PSPC1: variants seen among roughly 807,000 people sequenced by gnomAD.
PSPC1 encodes the protein paraspeckle protein 1.
PSPC1 carries 14 observed loss-of-function variants against 51.6 expected under a neutral mutation model. The ratio of observed to expected loss-of-function variants is 0.27; its 90% CI spans 0.18 to 0.42. PSPC1 has a LOEUF of 0.42. Among genes scored for constraint, PSPC1 ranks in the 10% least tolerant of loss-of-function variants. The pLI, the probability that PSPC1 is intolerant of heterozygous loss-of-function variation, is 1.00. For synonymous variants in PSPC1, 193 were observed against 231.9 expected (o/e 0.83, Z 1.53); for missense variants, 406 against 701.1 (o/e 0.58, Z 4.75).
At chr13:19,677,652 T>C (rs546016601) in intron 7 of PSPC1, 1 of 408,992 alleles carries the variant, frequency 2.4e-6, no homozygotes, top group African/African-American at 2.1e-5. Context: ...CAGGAAGAAT[T>C]GACTAGAAAA....
chr13:19,720,534 G>A (rs1882638219), intron 6 of PSPC1, among the ~76,000 whole-genome samples: 1 of 152,114 alleles, frequency 6.6e-6, no homozygotes, highest in Non-Finnish European at 1.5e-5. Flanking sequence ...TGTGATGTTA[G>A]TACATATTTT....
intron 7 of PSPC1, among the ~76,000 whole-genome samples, chr13:19,709,194 ATAAAATTTGATTT>A (rs1881100031): frequency 6.7e-6 from 1 of 150,288 alleles, no homozygotes; most frequent in African/African-American, 2.4e-5. Context: ...AATAGAAGGC[ATAAAATTTGATTT>A]TAAAACTGCA....
chr13:19,672,170 G>A, downstream of PSPC1: 1 of 305,190 alleles, frequency 3.3e-6, no homozygotes, highest in Non-Finnish European at 6.2e-6. Context: ...TGGAGACGGA[G>A]TTTCGCTCTT....
rs138578259 is a variant in PSPC1 at position 19,740,985 on chromosome 13, C to G, written c.1052+580G>C. Among the ~76,000 whole-genome samples, 704 of 152,186 alleles carry G rather than the reference C, an allele frequency of 4.6e-3. 5 individuals are homozygous for G. The highest frequency in any genetic ancestry group is 0.027 in the South Asian group (129 of 4,820). On this transcript the variant is annotated intron_variant, in intron 5 of 8. Coordinates refer to ENST00000338910, the MANE Select transcript of PSPC1 (RefSeq NM_001354909.2). ...CGCCTCCTGGATTCAAGCGATTCTC[C>G]TGCCTCAACGCCCTGAGTAGCTGGG...
chr13:19,750,459 A>AAAAT (rs140176751), intron 4 of PSPC1, among the ~76,000 whole-genome samples: 60 of 148,526 alleles, frequency 4.0e-4, no homozygotes, highest in Non-Finnish European at 7.5e-4. Flanking sequence ...AACAAACAAA[A>AAAAT]ATATATATAT....
At chr13:19,734,858 A>G (rs1566007755) in intron 5 of PSPC1, among the ~76,000 whole-genome samples, 1 of 152,016 alleles carries the variant, frequency 6.6e-6, no homozygotes, top group Non-Finnish European at 1.5e-5. Flanking sequence ...TGCACTTTTA[A>G]TTCCAGCTAC....
chr13:19,745,780 T>G (rs1885912927), intron 4 of PSPC1, among the ~76,000 whole-genome samples: 1 of 151,928 alleles, frequency 6.6e-6, no homozygotes, highest in Non-Finnish European at 1.5e-5. Flanking sequence ...CCACCAGGCC[T>G]GGCTAATTTT....
At chr13:19,779,317 C>T in intron 1 of PSPC1, among the ~76,000 whole-genome samples, 1 of 106,594 alleles carries the variant, frequency 9.4e-6, no homozygotes, top group African/African-American at 3.3e-5. Context: ...GCCGCCCCAT[C>T]CGGGAGGGAC....
chr13:19,766,420 C>G (rs1314777479), intron 2 of PSPC1, among the ~76,000 whole-genome samples: 1 of 152,108 alleles, frequency 6.6e-6, no homozygotes, highest in Admixed American at 6.6e-5. Context: ...CAGCCAAGAG[C>G]GGTGGCTTGT....
chr13:19,710,501 A>G (rs906872778), intron 6 of PSPC1, among the ~76,000 whole-genome samples: 16 of 152,272 alleles, frequency 1.1e-4, no homozygotes, highest in Non-Finnish European at 1.5e-5. Context: ...CAAATGCAGC[A>G]ATGTTTAAAG....
downstream of PSPC1, among the ~76,000 whole-genome samples, chr13:19,698,099 G>A (rs987902043): frequency 6.6e-6 from 1 of 151,960 alleles, no homozygotes; most frequent in Non-Finnish European, 1.5e-5. Flanking sequence ...AAAGCAGCTA[G>A]AACAGGAAAG....
At chr13:19,711,211 G>A (rs1348511802) in intron 6 of PSPC1, among the ~76,000 whole-genome samples, 1 of 152,142 alleles carries the variant, frequency 6.6e-6, no homozygotes, top group Non-Finnish European at 1.5e-5. Flanking sequence ...GGATACTATT[G>A]CTGACCTGCA....
At chr13:19,740,332 A>T (rs936886488) in intron 5 of PSPC1, among the ~76,000 whole-genome samples, 1 of 151,926 alleles carries the variant, frequency 6.6e-6, no homozygotes, top group Non-Finnish European at 1.5e-5. Context: ...AACAAGAGCG[A>T]AACTCCCTCT....
At chr13:19,778,616 G>A (rs1301933103) in intron 1 of PSPC1, among the ~76,000 whole-genome samples, 1 of 126,574 alleles carries the variant, frequency 7.9e-6, no homozygotes, top group African/African-American at 2.9e-5. Context: ...CGAGTGATCC[G>A]CCAACCTCGG....
chr13:19,730,433 C>CAA, intron 5 of PSPC1, 89 bp from the exon 6 acceptor site: 1 of 1,207,634 alleles, frequency 8.3e-7, no homozygotes, highest in Non-Finnish European at 1.2e-6. Context: ...ATCATTTATG[C>CAA]AATCATATTA....
At chr13:19,745,327 A>C (rs1885855412) in intron 4 of PSPC1, among the ~76,000 whole-genome samples, 2 of 152,166 alleles carry the variant, frequency 1.3e-5, no homozygotes, top group Admixed American at 6.6e-5. Context: ...AAATTAATTA[A>C]TTAATTAAAA....
chr13:19,734,301 T>A (rs1884495627), intron 5 of PSPC1, among the ~76,000 whole-genome samples: 1 of 152,222 alleles, frequency 6.6e-6, no homozygotes, highest in Admixed American at 6.5e-5. Context: ...TACATTTAAT[T>A]GAAAACTAAT....
chr13:19,727,244 A>G (rs1459716701), intron 6 of PSPC1, among the ~76,000 whole-genome samples: 8 of 152,074 alleles, frequency 5.3e-5, no homozygotes, highest in Non-Finnish European at 1.2e-4. Context: ...AAATACAAAA[A>G]TTAGCTGGGC....
At chr13:19,743,753 G>A (rs940723018) in intron 4 of PSPC1, among the ~76,000 whole-genome samples, 10 of 152,056 alleles carry the variant, frequency 6.6e-5, no homozygotes, top group South Asian at 2.1e-4. Context: ...AAACATGACC[G>A]CAATTATTTC....
Sources: gnomAD v4.1 joint callset for allele counts (sites outside exome capture counted in the v4.1 genomes callset) on GRCh38, gnomAD v4.1.1 for gene constraint, MANE v1.5 for transcripts, NCBI Gene and HGNC (gene_info 2026-07-23, HGNC 2026-07-21) for gene names.